USP15: variants seen among roughly 807,000 people sequenced by gnomAD.
The protein encoded by USP15 is ubiquitin carboxyl-terminal hydrolase 15.
USP15 carries 18 observed loss-of-function variants against 127.1 expected under a neutral mutation model. The observed-to-expected ratio is 0.14, with a 90% CI of 0.10 to 0.21. The LOEUF is 0.21. Ranked by LOEUF, USP15 falls within the 10% of genes least tolerant of loss-of-function variation. The pLI, the probability that USP15 is intolerant of heterozygous loss-of-function variation, is 1.00. For missense variants in USP15, 805 were observed against 1,159.9 expected (o/e 0.69, Z 4.44); for synonymous variants, 364 against 393.7 (o/e 0.92, Z 0.89).
At chr12:62,354,880 C>T (rs1333878384) in intron 7 of USP15, 1 of 152,104 alleles carries the variant, frequency 6.6e-6, no homozygotes, top group Non-Finnish European at 1.5e-5. Context: ...TTGGAAATCT[C>T]TGCTCTTACC....
At chr12:62,372,020 A>G (rs982760297) in intron 8 of USP15, among the ~76,000 whole-genome samples, 2 of 152,130 alleles carry the variant, frequency 1.3e-5, no homozygotes, top group African/African-American at 4.8e-5. Flanking sequence ...ATGTACATCA[A>G]GATGTATTTT....
Position 62,382,420 on chromosome 12 carries a change from A to G in USP15, c.1089+757A>G, listed in dbSNP as rs1193620665. Among the ~76,000 whole-genome samples the G allele has an allele frequency of 2.0e-5, 3 of 151,966 alleles. No homozygotes were observed. The East Asian group carries it at 5.8e-4, about 29-fold the overall frequency. On this transcript the variant is annotated intron_variant, in intron 9 of 21. Transcript: ENST00000280377. ...GGCATTGATAGAGGACATCTACTGG[A>G]CAACATTTTTTATTAGCTATATACT...
At chr12:62,354,984 G>C (rs976337086) in intron 7 of USP15, 2 of 159,530 alleles carry the variant, frequency 1.3e-5, no homozygotes, top group East Asian at 1.8e-4. Flanking sequence ...ATGATTTGTT[G>C]CTGCGGGTGG....
intron 1 of USP15, chr12:62,278,989 C>G (rs1158633025): frequency 6.6e-6 from 1 of 152,100 alleles, no homozygotes. Flanking sequence ...GTTGAACTGT[C>G]TATATCAACT....
intron 19 of USP15, 55 bp from the exon 20 acceptor site, chr12:62,396,240 A>C: frequency 7.1e-7 from 1 of 1,411,548 alleles, no homozygotes; most frequent in East Asian, 2.3e-5. Flanking sequence ...AAGGGAATAG[A>C]ATTCATTGCA....
chr12:62,277,946 G>A (rs933532253), intron 1 of USP15, among the ~76,000 whole-genome samples: 4 of 152,122 alleles, frequency 2.6e-5, no homozygotes, highest in Non-Finnish European at 2.9e-5. Flanking sequence ...ACATTTTTAC[G>A]TTATAAACCT....
intron 7 of USP15, among the ~76,000 whole-genome samples, chr12:62,352,830 AC>A (rs1481919254): frequency 4.7e-5 from 2 of 42,262 alleles, no homozygotes; most frequent in African/African-American, 2.3e-4. Flanking sequence ...GTTCAATTTC[AC>A]AAAAAAAAAG....
At chr12:62,402,865 G>T (rs531774083) in intron 21 of USP15, among the ~76,000 whole-genome samples, 1 of 152,136 alleles carries the variant, frequency 6.6e-6, no homozygotes, top group South Asian at 2.1e-4. Flanking sequence ...AAACAGAAAA[G>T]CCATACAGGA....
intron 6 of USP15, among the ~76,000 whole-genome samples, chr12:62,326,984 G>A (rs900137992): frequency 1.3e-5 from 2 of 151,816 alleles, no homozygotes; most frequent in Non-Finnish European, 2.9e-5. Context: ...ACAAAAATTA[G>A]CCAGGAGTGA....
chr12:62,298,761 A>C (rs1387272568), intron 2 of USP15, among the ~76,000 whole-genome samples: 1 of 149,944 alleles, frequency 6.7e-6, no homozygotes, highest in Non-Finnish European at 1.5e-5. Flanking sequence ...CCCAGGAGAC[A>C]GAGGTTGTAT....
intron 6 of USP15, among the ~76,000 whole-genome samples, chr12:62,336,984 T>C (rs1436102160): frequency 6.6e-6 from 1 of 152,214 alleles, no homozygotes; most frequent in Non-Finnish European, 1.5e-5. Flanking sequence ...ATTTCATGCA[T>C]TTTGGTCATT....
chr12:62,301,537 A>G (rs1452109968), intron 2 of USP15, among the ~76,000 whole-genome samples: 4 of 152,206 alleles, frequency 2.6e-5, no homozygotes, highest in Non-Finnish European at 5.9e-5. Context: ...ATGTAAAAAC[A>G]TGGATAGATC....
chr12:62,387,186 C>G (rs2067178701), intron 11 of USP15, among the ~76,000 whole-genome samples: 1 of 152,006 alleles, frequency 6.6e-6, no homozygotes, highest in African/African-American at 2.4e-5. Flanking sequence ...GTATCTAGAC[C>G]AAAGGAGAGA....
At chr12:62,301,725 C>A (rs2064327427) in intron 2 of USP15, among the ~76,000 whole-genome samples, 1 of 152,158 alleles carries the variant, frequency 6.6e-6, no homozygotes, top group African/African-American at 2.4e-5. Flanking sequence ...AAGTAACATT[C>A]TCTTAATCCC....
intron 6 of USP15, chr12:62,327,589 C>G (rs1398278416): frequency 2.4e-6 from 1 of 408,708 alleles, no homozygotes; most frequent in Non-Finnish European, 4.7e-6. Context: ...ATTGAGAAAT[C>G]TTTTCTACTT....
intron 8 of USP15, among the ~76,000 whole-genome samples, chr12:62,358,018 G>A (rs766346083): frequency 2.0e-5 from 3 of 151,928 alleles, no homozygotes; most frequent in Non-Finnish European, 2.9e-5. Flanking sequence ...AATTGAAGAC[G>A]TTCATGAATT....
At chr12:62,287,877 T>C (rs1282451140) in intron 1 of USP15, among the ~76,000 whole-genome samples, 1 of 152,184 alleles carries the variant, frequency 6.6e-6, no homozygotes, top group Non-Finnish European at 1.5e-5. Context: ...TTTTGTCAGC[T>C]TCGTTGAAGA....
chr12:62,371,435 G>GT lies in USP15; in HGVS notation c.916-10049dup, dbSNP rs554766681. Among the ~76,000 whole-genome samples the GT allele has an allele frequency of 4.8e-3, 735 of 152,182 alleles. 2 individuals carry two copies. The highest frequency in any genetic ancestry group is 7.2e-3 in the Non-Finnish European group (490 of 67,976). On this transcript the variant is annotated intron_variant, in intron 8 of 21. Transcript: ENST00000280377. ...ATAATCGTAAGCACAGTAGAACAGTGTTTTTTACAATGTGTCTATGGACAA... is the reference window on the plus strand; with the variant it reads ...ATAATCGTAAGCACAGTAGAACAGTGTTTTTTTACAATGTGTCTATGGACAA...
chr12:62,366,775 G>T (rs1048366465), intron 8 of USP15, among the ~76,000 whole-genome samples: 8 of 152,096 alleles, frequency 5.3e-5, no homozygotes, highest in African/African-American at 1.9e-4. Flanking sequence ...GTTGAATTTT[G>T]TCGAAGGCCT....
Sources: gnomAD v4.1 joint callset for allele counts (sites outside exome capture counted in the v4.1 genomes callset) on GRCh38, gnomAD v4.1.1 for gene constraint, MANE v1.5 for transcripts, NCBI Gene and HGNC (gene_info 2026-07-23, HGNC 2026-07-21) for gene names.